ZNF532: variants seen among roughly 807,000 people sequenced by gnomAD.
The protein encoded by ZNF532 is zinc finger protein 532.
A neutral mutation model predicts 89.3 loss-of-function variants in ZNF532; 22 were observed. That is an observed-to-expected ratio of 0.25 (90% CI 0.18 to 0.35). The LOEUF (loss-of-function observed/expected upper bound fraction) is 0.35, where lower values mean the gene tolerates loss of function less well. Ranked by LOEUF, ZNF532 falls within the 10% of genes least tolerant of loss-of-function variation. The pLI is 1.00. For synonymous variants in ZNF532, 606 were observed against 649.6 expected (o/e 0.93, Z 1.02); for missense variants, 1,132 against 1,643.4 (o/e 0.69, Z 5.38).
chr18:58,967,412 C>G (rs760299990), intron 7 of ZNF532, among the ~76,000 whole-genome samples: 24 of 152,178 alleles, frequency 1.6e-4, no homozygotes, highest in Admixed American at 2.6e-4. Context: ...CTCGCAGTTT[C>G]CTGACATGTG....
intron 7 of ZNF532, among the ~76,000 whole-genome samples, chr18:58,968,029 G>A (rs556552001): frequency 3.3e-5 from 5 of 152,286 alleles, no homozygotes; most frequent in African/African-American, 1.2e-4. Context: ...GGCAATAATG[G>A]GTTAGAACAT....
chr18:58,899,958 C>T (rs945017456), intron 2 of ZNF532, among the ~76,000 whole-genome samples: 4 of 151,952 alleles, frequency 2.6e-5, no homozygotes, highest in Non-Finnish European at 2.9e-5. Flanking sequence ...CCAAAAGTTC[C>T]TTCATAACTT....
At chr18:58,939,330 A>G in intron 4 of ZNF532, 115 bp from the exon 5 acceptor site, 3 of 680,376 alleles carry the variant, frequency 4.4e-6, no homozygotes, top group Non-Finnish European at 7.0e-6. Context: ...TATACTTCCG[A>G]AGGGCCATTA....
Position 58,939,499 on chromosome 18 carries a change from T to G in ZNF532, c.2583T>G (p.Ile861Met). The change falls in exon 5 of 10, where the codon ATT becomes ATG. Residue 861 changes from isoleucine to methionine, a missense_variant. Physicochemically the swap from Ile to Met is conservative, Grantham distance 10 (BLOSUM62 1). Transcript: ENST00000591808. Reference sequence around the variant, plus strand: ...ATGTGGCTGCTCTGAAGTCTCACATTCAAGGTTCTCACTGTGAAGTCTTCT... The same window carrying G: ...ATGTGGCTGCTCTGAAGTCTCACATGCAAGGTTCTCACTGTGAAGTCTTCT... ...YSDVAALKSHIQGSHCEVFYK... is the reference protein window; with the variant it reads ...YSDVAALKSHMQGSHCEVFYK... 2 of 1,614,134 alleles carry G rather than the reference T, an allele frequency of 1.2e-6. No homozygotes were observed. The highest frequency in any genetic ancestry group is 1.7e-6 in the Non-Finnish European group (2 of 1,180,026).
chr18:58,916,735 A>G, intron 2 of ZNF532: 1 of 985,438 alleles, frequency 1.0e-6, no homozygotes. Flanking sequence ...GAGTGAGTTA[A>G]TATACTGAGG....
At chr18:58,933,014 C>T (rs1340081604) in intron 3 of ZNF532, among the ~76,000 whole-genome samples, 3 of 152,024 alleles carry the variant, frequency 2.0e-5, no homozygotes, top group Non-Finnish European at 4.4e-5. Context: ...TCATAATTCC[C>T]TGCCTGGGAC....
intron 7 of ZNF532, among the ~76,000 whole-genome samples, chr18:58,966,400 A>T (rs2065917165): frequency 1.3e-5 from 2 of 152,200 alleles, no homozygotes; most frequent in Admixed American, 1.3e-4. Flanking sequence ...ATTATATTTT[A>T]TAACTATTAT....
At chr18:58,931,956 T>G (rs1026149351) in intron 3 of ZNF532, among the ~76,000 whole-genome samples, 1 of 151,714 alleles carries the variant, frequency 6.6e-6, no homozygotes, top group Non-Finnish European at 1.5e-5. Context: ...ACAACAATAA[T>G]AAAAAACCCA....
intron 3 of ZNF532, among the ~76,000 whole-genome samples, chr18:58,929,467 G>A (rs919786289): frequency 4.6e-5 from 7 of 152,274 alleles, no homozygotes; most frequent in African/African-American, 1.4e-4. Context: ...CCCCTCCGCC[G>A]TCTCCCAAAA....
chr18:58,863,748 G>A (rs934544422), upstream of ZNF532: 1 of 151,616 alleles, frequency 6.6e-6, no homozygotes, highest in African/African-American at 2.4e-5. Flanking sequence ...CCCCGGGAAG[G>A]GGGTGGGTGT....
intron 6 of ZNF532, 104 bp from the exon 7 acceptor site, chr18:58,953,414 A>G: frequency 1.1e-6 from 1 of 934,134 alleles, no homozygotes; most frequent in Non-Finnish European, 1.6e-6. Flanking sequence ...CTGAATGAAT[A>G]TAAACTGGTG....
At chr18:58,898,073 A>T (rs1444036017) in intron 2 of ZNF532, among the ~76,000 whole-genome samples, 1 of 152,246 alleles carries the variant, frequency 6.6e-6, no homozygotes, top group African/African-American at 2.4e-5. Flanking sequence ...ATAGTACTTT[A>T]CATCATAATT....
chr18:58,882,088 G>A (rs919549089), intron 2 of ZNF532, among the ~76,000 whole-genome samples: 2 of 152,148 alleles, frequency 1.3e-5, no homozygotes, highest in African/African-American at 4.8e-5. Context: ...CTCCTGCGTA[G>A]CTTGGGACTA....
intron 2 of ZNF532, among the ~76,000 whole-genome samples, chr18:58,890,594 A>AT (rs59139870): frequency 0.21 from 29,262 of 137,034 alleles, 3,299 homozygotes; most frequent in Middle Eastern, 0.39. Context: ...ACTGCCGCCC[A>AT]TTTTTTTTTT....
Position 58,984,374 on chromosome 18 carries a change from A to C in ZNF532, c.3814A>C (p.Thr1272Pro). ...SDRKCKVCAK[T>P]FETEAALNTH... The stretch of plus-strand genomic sequence containing the variant: ...CAGAAAGTGCAAAGTGTGCGCAAAA[A>C]CTTTTGAAACTGAAGCTGCCTTAAA... Residue 1272 changes from threonine to proline, a missense_variant, in exon 10 of 10, where the codon ACT becomes CCT. By Grantham distance (38) the Thr-to-Pro change is conservative. Transcript: ENST00000591808. The C allele has an allele frequency of 6.2e-7, 1 of 1,611,966 alleles. No homozygotes were observed. Among genetic ancestry groups the C allele is most frequent in the Non-Finnish European group, 8.5e-7 (1 of 1,179,842 alleles).
At chr18:58,960,718 G>A (rs369947858) in intron 7 of ZNF532, among the ~76,000 whole-genome samples, 5 of 152,182 alleles carry the variant, frequency 3.3e-5, no homozygotes, top group African/African-American at 1.2e-4. Context: ...GTACAGTGTA[G>A]TGCAGGAGGG....
At chr18:58,942,466 TAGA>T (rs1009906137) in intron 5 of ZNF532, among the ~76,000 whole-genome samples, 13 of 151,396 alleles carry the variant, frequency 8.6e-5, no homozygotes, top group Admixed American at 6.6e-4. Context: ...AACAAATTTG[TAGA>T]AGAAGTGGTT....
intron 7 of ZNF532, among the ~76,000 whole-genome samples, chr18:58,967,418 A>G (rs1254351405): frequency 2.6e-5 from 4 of 152,076 alleles, no homozygotes; most frequent in African/African-American, 9.7e-5. Context: ...GTTTCCTGAC[A>G]TGTGCCACAT....
Position 58,888,814 on chromosome 18 carries a change from A to ATATATATAAT in ZNF532, c.-18+23236_-18+23237insATATATAATT, listed in dbSNP as rs1568247221. ...TATATATAATTTATATATATAAAAA[A>ATATATATAAT]TTATATATATAAATTATATATATAA... On this transcript the variant is annotated intron_variant, in intron 2 of 9. Transcript: ENST00000591808. Among the ~76,000 whole-genome samples the ATATATATAAT allele has an allele frequency of 2.0e-3, 26 of 13,056 alleles. 1 individual carries two copies. Among genetic ancestry groups the ATATATATAAT allele is most frequent in the African/African-American group, 6.1e-3 (20 of 3,258 alleles). The allele number at this position is 13,056 out of a possible 152,430, so 8.6% of individuals were successfully genotyped here.
Sources: gnomAD v4.1 joint callset for allele counts (sites outside exome capture counted in the v4.1 genomes callset) on GRCh38, gnomAD v4.1.1 for gene constraint, MANE v1.5 for transcripts, NCBI Gene and HGNC (gene_info 2026-07-23, HGNC 2026-07-21) for gene names.